The following ST18 variants were observed in gnomAD, a reference collection of about 807,000 sequenced individuals.
The protein encoded by ST18 is suppression of tumorigenicity 18 protein.
In ST18, 50 loss-of-function variants were observed where a neutral mutation model predicts 110.0. The observed-to-expected ratio is 0.45, with a 90% CI of 0.36 to 0.58. The LOEUF is 0.58. Among genes scored for constraint, ST18 ranks in the 20% least tolerant of loss-of-function variants. The pLI is 0.00. For synonymous variants in ST18, 461 were observed against 452.4 expected, an observed-to-expected ratio of 1.02 and a Z score of -0.24; for missense variants, 1,306 against 1,280.1, an observed-to-expected ratio of 1.02 and a Z score of -0.31.
chr8:52,320,102 G>T (rs78597192), intron 2 of ST18, among the ~76,000 whole-genome samples: 1,746 of 152,168 alleles, frequency 0.011, 38 homozygotes, highest in African/African-American at 0.04. Flanking sequence ...TTTAAAATCT[G>T]TCTCTATATA....
chr8:52,191,560 T>C (rs9643468), intron 8 of ST18, among the ~76,000 whole-genome samples: 6,018 of 152,204 alleles, frequency 0.04, 153 homozygotes, highest in East Asian at 0.083. Flanking sequence ...ATGCAGGGCA[T>C]GTGCAGGCTT....
chr8:52,149,809 C>A lies in ST18; in HGVS notation c.1975G>T (p.Ala659Ser). 1 of 1,614,116 alleles carries A rather than the reference C, an allele frequency of 6.2e-7. No homozygotes were observed. Among genetic ancestry groups the A allele is most frequent in the East Asian group, 2.2e-5 (1 of 44,880 alleles). The change falls in exon 16 of 26, where the codon GCT (alanine) becomes TCT (serine). Residue 659 changes from alanine to serine, a missense_variant. Ala to Ser is a moderately conservative substitution (Grantham distance 99, BLOSUM62 1). Transcript: ENST00000689386. ...TCCCAGCCCTCTTGGTCACAAAGAG[C>A]CTGATAGAATGCTGCATTGACCAGA... is the stretch of plus-strand genomic sequence containing the variant. ...SILVNAAFYQALCDQEGWDTP... is the reference protein window; with the variant it reads ...SILVNAAFYQSLCDQEGWDTP...
In ST18 at chr8:52,166,854, T is replaced by C; in HGVS notation, c.1202A>G (p.Glu401Gly). 1 of 1,581,094 alleles carries C rather than the reference T, an allele frequency of 6.3e-7. No homozygotes were observed. The highest frequency in any genetic ancestry group is 1.1e-5 in the South Asian group (1 of 87,852). ...GCPHKVRVPL[E>G]ILAMHENVLK... ...TTTGAGGGACAAGTGGTACTCACTT[T>C]CCAGGGGAACCCGCACTTTGTGGGG... The change falls in exon 11 of 26, where the codon GAA becomes GGA. Residue 401 changes from glutamate (E) to glycine (G), a missense_variant and splice_region_variant. Glu to Gly is a moderately conservative substitution (Grantham distance 98). Coordinates refer to ENST00000689386, the MANE Select transcript of ST18 (RefSeq NM_001352837.2).
At chr8:52,261,506 A>C (rs1343556963) in intron 2 of ST18, among the ~76,000 whole-genome samples, 1 of 152,182 alleles carries the variant, frequency 6.6e-6, no homozygotes, top group Non-Finnish European at 1.5e-5. Context: ...GTTAACTTCA[A>C]AATATAAACT....
At chr8:52,177,658 A>T (rs1043313049) in intron 9 of ST18, among the ~76,000 whole-genome samples, 1 of 152,210 alleles carries the variant, frequency 6.6e-6, no homozygotes, top group African/African-American at 2.4e-5. Context: ...AGGAACTTTG[A>T]CCATTCTGCA....
intron 8 of ST18, among the ~76,000 whole-genome samples, chr8:52,208,534 AAGC>A (rs998905787): frequency 1.3e-5 from 2 of 152,272 alleles, no homozygotes; most frequent in African/African-American, 4.8e-5. Flanking sequence ...ACTACTTAAG[AAGC>A]AACTTGGGGC....
intron 2 of ST18, among the ~76,000 whole-genome samples, chr8:52,266,673 C>G (rs2094882325): frequency 1.3e-5 from 2 of 151,472 alleles, no homozygotes; most frequent in Non-Finnish European, 2.9e-5. Flanking sequence ...TCCAGAGTAA[C>G]TGGGATTACA....
At chr8:52,328,334 G>A (rs1807453825) in intron 2 of ST18, among the ~76,000 whole-genome samples, 1 of 152,196 alleles carries the variant, frequency 6.6e-6, no homozygotes, top group Non-Finnish European at 1.5e-5. Flanking sequence ...GTAGGATGAA[G>A]AGACCTTATC....
intron 2 of ST18, among the ~76,000 whole-genome samples, chr8:52,241,778 A>T (rs1376549994): frequency 7.9e-5 from 12 of 152,262 alleles, no homozygotes; most frequent in Non-Finnish European, 4.4e-5. Flanking sequence ...AAATCATTTT[A>T]AATCATATTC....
intron 2 of ST18, among the ~76,000 whole-genome samples, chr8:52,395,921 G>A (rs955579319): frequency 1.3e-4 from 20 of 152,112 alleles, no homozygotes; most frequent in Admixed American, 1.0e-3. Flanking sequence ...TATGGAAATT[G>A]AAAAGCATGC....
intron 5 of ST18, among the ~76,000 whole-genome samples, chr8:52,219,842 T>C (rs541135913): frequency 6.6e-6 from 1 of 152,324 alleles, no homozygotes; most frequent in Admixed American, 6.5e-5. Flanking sequence ...GAATGGTTGG[T>C]TTTGATTCTC....
intron 6 of ST18, among the ~76,000 whole-genome samples, chr8:52,217,144 C>T (rs1051299101): frequency 2.0e-5 from 3 of 152,090 alleles, no homozygotes; most frequent in African/African-American, 7.2e-5. Flanking sequence ...CCTAATGAGT[C>T]CTTTGTTTTC....
At chr8:52,153,002 CT>C (rs890329428) in intron 15 of ST18, among the ~76,000 whole-genome samples, 6 of 152,154 alleles carry the variant, frequency 3.9e-5, no homozygotes, top group African/African-American at 1.4e-4. Context: ...AATGTGTTTT[CT>C]GAAAAAGAAC....
intron 2 of ST18, among the ~76,000 whole-genome samples, chr8:52,260,279 TTGTC>T (rs111887044): frequency 0.055 from 8,395 of 152,000 alleles, 775 homozygotes; most frequent in African/African-American, 0.19. Flanking sequence ...GCATCTATAT[TTGTC>T]TGTCTATTAT....
chr8:52,291,891 C>T (rs2095561536), intron 2 of ST18, among the ~76,000 whole-genome samples: 1 of 152,166 alleles, frequency 6.6e-6, no homozygotes, highest in Admixed American at 6.5e-5. Context: ...CCTCCCGCCC[C>T]AGTCTCTCGA....
chr8:52,354,732 G>C (rs1564562105), intron 2 of ST18, among the ~76,000 whole-genome samples: 1 of 152,172 alleles, frequency 6.6e-6, no homozygotes, highest in Non-Finnish European at 1.5e-5. Context: ...AAACTCAAGA[G>C]AGTGTGGTGT....
chr8:52,135,588 A>G (rs1256437602), intron 19 of ST18, among the ~76,000 whole-genome samples: 37 of 150,408 alleles, frequency 2.5e-4, no homozygotes, highest in East Asian at 1.2e-3. Flanking sequence ...AAAAAAAAAA[A>G]AAAGAAAGAA....
chr8:52,291,485 A>G (rs2095555355), intron 2 of ST18, among the ~76,000 whole-genome samples: 1 of 152,208 alleles, frequency 6.6e-6, no homozygotes, highest in South Asian at 2.1e-4. Flanking sequence ...TGAATATTAA[A>G]CGAATCTTGC....
At chr8:52,352,782 A>C (rs1352768565) in intron 2 of ST18, among the ~76,000 whole-genome samples, 1 of 152,226 alleles carries the variant, frequency 6.6e-6, no homozygotes, top group East Asian at 1.9e-4. Context: ...GGACTGCGCA[A>C]AACATTGCAG....
Sources: allele counts gnomAD v4.1 joint callset (sites outside exome capture counted in the v4.1 genomes callset), GRCh38; gene constraint gnomAD v4.1.1; transcripts MANE v1.5; gene names NCBI Gene and HGNC (gene_info 2026-07-23, HGNC 2026-07-21).